CNTNAP5: variants seen among roughly 807,000 people sequenced by gnomAD.
CNTNAP5 encodes the protein contactin-associated protein-like 5.
CNTNAP5 carries 72 observed loss-of-function variants against 150.2 expected under a neutral mutation model. The observed-to-expected ratio is 0.48, with a 90% confidence interval of 0.40 to 0.58. The LOEUF is 0.58. Among genes scored for constraint, CNTNAP5 ranks in the 20% least tolerant of loss-of-function variants. The pLI is 0.00. For missense variants in CNTNAP5, 1,636 were observed against 1,626.2 expected, an observed-to-expected ratio of 1.01 and a Z score of -0.10; for synonymous variants, 672 against 619.8, an observed-to-expected ratio of 1.08 and a Z score of -1.25.
intron 11 of CNTNAP5, among the ~76,000 whole-genome samples, chr2:124,569,430 G>T (rs980544592): frequency 1.3e-5 from 2 of 149,958 alleles, no homozygotes; most frequent in African/African-American, 4.9e-5. Flanking sequence ...TCTTTTTTCA[G>T]ATGACTTGTA....
At chr2:124,770,348 G>C (rs1410852661) in intron 16 of CNTNAP5, among the ~76,000 whole-genome samples, 2 of 152,068 alleles carry the variant, frequency 1.3e-5, no homozygotes, top group African/African-American at 4.8e-5. Context: ...AGCACAGATG[G>C]GAAACCTATT....
chr2:124,205,592 T>C (rs1459186882), intron 1 of CNTNAP5, among the ~76,000 whole-genome samples: 1 of 152,066 alleles, frequency 6.6e-6, no homozygotes, highest in Non-Finnish European at 1.5e-5. Context: ...CTAATTTTTG[T>C]ATTTTTAGTA....
intron 8 of CNTNAP5, among the ~76,000 whole-genome samples, chr2:124,510,769 T>C (rs372245959): frequency 4.6e-5 from 7 of 152,132 alleles, no homozygotes; most frequent in African/African-American, 1.4e-4. Context: ...ATTAGATCTC[T>C]CAGAATTCAA....
intron 12 of CNTNAP5, among the ~76,000 whole-genome samples, chr2:124,635,100 C>T (rs535641496): frequency 6.6e-6 from 1 of 152,190 alleles, no homozygotes; most frequent in South Asian, 2.1e-4. Context: ...AGTAATTTAT[C>T]AGGAAAAGAG....
At chr2:124,870,914 G>T (rs1054548892) in intron 21 of CNTNAP5, among the ~76,000 whole-genome samples, 1 of 152,026 alleles carries the variant, frequency 6.6e-6, no homozygotes, top group African/African-American at 2.4e-5. Flanking sequence ...CAGCCCTCAA[G>T]CTTCATAAAG....
intron 11 of CNTNAP5, among the ~76,000 whole-genome samples, chr2:124,604,669 C>T (rs370154505): frequency 9.2e-5 from 14 of 152,238 alleles, no homozygotes; most frequent in African/African-American, 3.4e-4. Context: ...CACCTACAAG[C>T]TGGTTTGTCT....
At chr2:124,731,592 A>G (rs1680272511) in intron 13 of CNTNAP5, among the ~76,000 whole-genome samples, 1 of 151,908 alleles carries the variant, frequency 6.6e-6, no homozygotes, top group South Asian at 2.1e-4. Flanking sequence ...GGAAGGAGGG[A>G]GAGAGAGACA....
At chr2:124,591,339 T>G (rs1553419548) in intron 11 of CNTNAP5, among the ~76,000 whole-genome samples, 2 of 152,172 alleles carry the variant, frequency 1.3e-5, no homozygotes, top group Non-Finnish European at 1.5e-5. Context: ...TCATTTCATA[T>G]ACAGTGGATG....
chr2:124,911,538 G>A lies in CNTNAP5; in HGVS notation c.3727G>A (p.Gly1243Arg), dbSNP rs1678655965. 1 of 1,591,468 alleles carries A rather than the reference G, an allele frequency of 6.3e-7. No individual in the cohort carries two copies. The change falls in exon 23 of 24, where the codon GGG becomes AGG. Residue 1243 changes from glycine to arginine, a missense_variant and splice_region_variant. By Grantham distance (125) the Gly-to-Arg change is moderately radical. Transcript: ENST00000682447. ...AVRSDSAVIGGVIAVVIFIIF... is the reference protein window; with the variant it reads ...AVRSDSAVIGRVIAVVIFIIF... ...TCGAAGTGATTCGGCAGTCATCGGA[G>A]GTAAACAATTCATTGTTGTTGAATG...
chr2:124,878,607 G>C (rs919372394), intron 21 of CNTNAP5, among the ~76,000 whole-genome samples: 2 of 152,080 alleles, frequency 1.3e-5, no homozygotes, highest in Admixed American at 1.3e-4. Flanking sequence ...AATGGATAAG[G>C]CAAGGTGTTA....
chr2:124,222,726 GTGT>G (rs1370026873), intron 2 of CNTNAP5, among the ~76,000 whole-genome samples: 4 of 136,252 alleles, frequency 2.9e-5, no homozygotes, highest in African/African-American at 1.1e-4. Context: ...ATTGGTCGTT[GTGT>G]TTTTTTTTTT....
At chr2:124,417,293 A>T in intron 3 of CNTNAP5, 150 bp from the exon 4 acceptor site, 3 of 769,004 alleles carry the variant, frequency 3.9e-6, no homozygotes, top group South Asian at 1.9e-5. Flanking sequence ...AACAAACATG[A>T]TGCAGGATTT....
intron 1 of CNTNAP5, among the ~76,000 whole-genome samples, chr2:124,029,508 T>C (rs1400965688): frequency 2.0e-5 from 3 of 152,070 alleles, no homozygotes; most frequent in African/African-American, 7.2e-5. Context: ...TTTCTGCAAT[T>C]GGGAAATGTA....
intron 1 of CNTNAP5, among the ~76,000 whole-genome samples, chr2:124,201,196 G>T (rs1685719106): frequency 6.6e-6 from 1 of 152,136 alleles, no homozygotes; most frequent in Non-Finnish European, 1.5e-5. Flanking sequence ...CACCTAATAG[G>T]AACTGAGAAG....
chr2:124,597,861 C>T (rs1573485595), intron 11 of CNTNAP5, among the ~76,000 whole-genome samples: 1 of 145,614 alleles, frequency 6.9e-6, no homozygotes, highest in African/African-American at 2.5e-5. Context: ...TCTTTTTTCT[C>T]TAAACTTCCC....
At chr2:124,884,127 T>C (rs1678030510) in intron 21 of CNTNAP5, among the ~76,000 whole-genome samples, 1 of 152,126 alleles carries the variant, frequency 6.6e-6, no homozygotes, top group Non-Finnish European at 1.5e-5. Flanking sequence ...TATGTGCATA[T>C]TTCTATGTAT....
At chr2:124,039,479 A>G (rs1277548038) in intron 1 of CNTNAP5, among the ~76,000 whole-genome samples, 3 of 152,138 alleles carry the variant, frequency 2.0e-5, no homozygotes, top group Non-Finnish European at 4.4e-5. Context: ...GTCTCCCAAC[A>G]TCTGTGAAAT....
At chr2:124,772,204 A>C (rs1206220186) in intron 16 of CNTNAP5, among the ~76,000 whole-genome samples, 2 of 152,118 alleles carry the variant, frequency 1.3e-5, no homozygotes, top group Non-Finnish European at 2.9e-5. Flanking sequence ...TCCATTATAC[A>C]AAGATTGTTA....
At chr2:124,408,276 T>A (rs995991032) in intron 3 of CNTNAP5, among the ~76,000 whole-genome samples, 1 of 151,842 alleles carries the variant, frequency 6.6e-6, no homozygotes, top group Non-Finnish European at 1.5e-5. Context: ...CAGTCTGAGA[T>A]CAAACTGCAA....
Sources: allele counts gnomAD v4.1 joint callset (sites outside exome capture counted in the v4.1 genomes callset), GRCh38; gene constraint gnomAD v4.1.1; transcripts MANE v1.5; gene names NCBI Gene and HGNC (gene_info 2026-07-23, HGNC 2026-07-21).